KIFAP3: variants seen among roughly 807,000 people sequenced by gnomAD.
The protein encoded by KIFAP3 is kinesin associated protein 3, also known as kinesin-associated protein 3.
In KIFAP3, 68 loss-of-function variants were observed where a neutral mutation model predicts 106.5. The observed-to-expected ratio is 0.64, with a 90% CI of 0.53 to 0.78. KIFAP3 has a LOEUF of 0.78. Among genes scored for constraint, KIFAP3 ranks in the 30% least tolerant of loss-of-function variants. The pLI, the probability that KIFAP3 is intolerant of heterozygous loss-of-function variation, is 0.00. For synonymous variants in KIFAP3, 320 were observed against 311.5 expected (o/e 1.03, Z -0.29); for missense variants, 780 against 941.8 (o/e 0.83, Z 2.25).
chr1:169,986,414 C>T (rs532252789), intron 11 of KIFAP3, among the ~76,000 whole-genome samples: 2 of 151,916 alleles, frequency 1.3e-5, no homozygotes, highest in East Asian at 1.9e-4. Flanking sequence ...AGCAGGTGAA[C>T]GGCTGGCATG....
At chr1:170,043,809 A>C (rs1670104159) in intron 3 of KIFAP3, among the ~76,000 whole-genome samples, 1 of 152,194 alleles carries the variant, frequency 6.6e-6, no homozygotes, top group Non-Finnish European at 1.5e-5. Flanking sequence ...TAAGAAATTG[A>C]ATGAATAAAA....
At chr1:170,068,263 C>T (rs1268293034) in intron 1 of KIFAP3, 1 of 152,078 alleles carries the variant, frequency 6.6e-6, no homozygotes, top group Non-Finnish European at 1.5e-5. Context: ...TTATCAAAGA[C>T]TTTAAATCAA....
intron 19 of KIFAP3, among the ~76,000 whole-genome samples, chr1:169,942,679 C>G (rs1462392836): frequency 6.6e-6 from 1 of 152,062 alleles, no homozygotes; most frequent in Admixed American, 6.6e-5. Flanking sequence ...CTATGTAACC[C>G]AAGATGTGAC....
At chr1:169,946,988 G>T (rs1664475709) in intron 19 of KIFAP3, among the ~76,000 whole-genome samples, 2 of 151,698 alleles carry the variant, frequency 1.3e-5, no homozygotes, top group Non-Finnish European at 3.0e-5. Flanking sequence ...TTGCACTCTT[G>T]TTCTCCTGTT....
chr1:169,993,650 G>GTTT (rs1343013434), intron 10 of KIFAP3, among the ~76,000 whole-genome samples: 1 of 135,856 alleles, frequency 7.4e-6, no homozygotes, highest in African/African-American at 2.8e-5. Flanking sequence ...GTACCCAGAA[G>GTTT]GTGAGGCTTG....
intron 1 of KIFAP3, among the ~76,000 whole-genome samples, chr1:170,083,395 T>C (rs1296660719): frequency 6.6e-6 from 1 of 152,212 alleles, no homozygotes; most frequent in Non-Finnish European, 1.5e-5. Context: ...GCACTTGGAC[T>C]TGCATTATTC....
chr1:170,016,998 C>T (rs1007060703), intron 9 of KIFAP3, among the ~76,000 whole-genome samples: 3 of 152,196 alleles, frequency 2.0e-5, no homozygotes, highest in African/African-American at 7.2e-5. Context: ...GTGGCTCACG[C>T]CTGTAATCCC....
intron 5 of KIFAP3, among the ~76,000 whole-genome samples, chr1:170,036,968 T>C (rs1669721896): frequency 6.6e-6 from 1 of 152,210 alleles, no homozygotes; most frequent in Admixed American, 6.5e-5. Flanking sequence ...TATGATGAAG[T>C]AATCTCAAAA....
chr1:169,996,535 A>G (rs916171560), intron 10 of KIFAP3, among the ~76,000 whole-genome samples: 6 of 152,212 alleles, frequency 3.9e-5, no homozygotes, highest in African/African-American at 1.4e-4. Flanking sequence ...TCTTTGATTC[A>G]GAGATGAGGC....
At chr1:170,001,818 C>T (rs1323974717) in intron 10 of KIFAP3, among the ~76,000 whole-genome samples, 2 of 152,104 alleles carry the variant, frequency 1.3e-5, no homozygotes, top group East Asian at 3.8e-4. Context: ...ATTATTCTGA[C>T]CATTTCCAAA....
chr1:170,068,043 T>C (rs1571767995), intron 1 of KIFAP3: 1 of 152,162 alleles, frequency 6.6e-6, no homozygotes, highest in Admixed American at 6.5e-5. Context: ...GGCTAAGTGT[T>C]GAAGCCATAT....
chr1:170,058,651 TTGTTTTAATGTA>T (rs577339721), intron 1 of KIFAP3, among the ~76,000 whole-genome samples: 248 of 151,190 alleles, frequency 1.6e-3, no homozygotes, highest in African/African-American at 5.7e-3. Flanking sequence ...CCATCCCAGC[TTGTTTTAATGTA>T]ATTACTAATG....
chr1:170,015,623 TAG>T (rs1668466861), intron 10 of KIFAP3, among the ~76,000 whole-genome samples: 1 of 151,982 alleles, frequency 6.6e-6, no homozygotes, highest in Non-Finnish European at 1.5e-5. Context: ...GCATTGCAGG[TAG>T]AGGAAAAAAG....
At chr1:169,980,489 AG>A (rs1235527672) in intron 15 of KIFAP3, among the ~76,000 whole-genome samples, 1 of 152,202 alleles carries the variant, frequency 6.6e-6, no homozygotes, top group Non-Finnish European at 1.5e-5. Context: ...TATAAATGCA[AG>A]GGGAAAACTC....
intron 19 of KIFAP3, among the ~76,000 whole-genome samples, chr1:169,945,735 T>A (rs1664409465): frequency 6.6e-6 from 1 of 152,206 alleles, no homozygotes; most frequent in Admixed American, 6.5e-5. Flanking sequence ...ACTTGAAATA[T>A]TTTTTCAACT....
At chr1:169,961,313 G>A in intron 17 of KIFAP3, 78 bp from the exon 18 acceptor site, 1 of 1,141,932 alleles carries the variant, frequency 8.8e-7, no homozygotes, top group Non-Finnish European at 1.3e-6. Flanking sequence ...TTTATCTCTT[G>A]AGAATTTTGG....
At chr1:169,941,988 C>T (rs1664144752) in intron 19 of KIFAP3, among the ~76,000 whole-genome samples, 1 of 151,838 alleles carries the variant, frequency 6.6e-6, no homozygotes, top group Non-Finnish European at 1.5e-5. Flanking sequence ...ATAGTATTTC[C>T]TTTATGTTTG....
chr1:169,983,667 G>A (rs1161995923), intron 12 of KIFAP3, among the ~76,000 whole-genome samples: 1 of 151,710 alleles, frequency 6.6e-6, no homozygotes, highest in Non-Finnish European at 1.5e-5. Context: ...AATTTTGCCT[G>A]ATATAGAACT....
chr1:170,037,010 C>T (rs1669725063), intron 5 of KIFAP3, among the ~76,000 whole-genome samples: 1 of 152,022 alleles, frequency 6.6e-6, no homozygotes, highest in African/African-American at 2.4e-5. Context: ...ACCAGTAAAG[C>T]CAATTTTGGG....
Sources: allele counts gnomAD v4.1 joint callset (sites outside exome capture counted in the v4.1 genomes callset), GRCh38; gene constraint gnomAD v4.1.1; transcripts MANE v1.5; gene names NCBI Gene and HGNC (gene_info 2026-07-23, HGNC 2026-07-21).